CHCHD6: variants seen among roughly 807,000 people sequenced by gnomAD.
CHCHD6 encodes coiled-coil-helix-coiled-coil-helix domain containing 6, also known as MICOS complex subunit MIC25.
In CHCHD6, 28 loss-of-function variants were observed where a neutral mutation model predicts 32.3. The observed-to-expected ratio is 0.87, with a 90% CI of 0.64 to 1.19. The LOEUF is 1.19. Among genes scored for constraint, CHCHD6 ranks in the 50% most tolerant of loss-of-function variants. CHCHD6 has a pLI of 0.00. For synonymous variants in CHCHD6, 122 were observed against 117.5 expected, an observed-to-expected ratio of 1.04 and a Z score of -0.25; for missense variants, 333 against 307.0, an observed-to-expected ratio of 1.08 and a Z score of -0.63.
In CHCHD6 at chr3:126,726,403, C is replaced by T. The variant is rs995621134; in HGVS notation, c.88-675C>T. ...GAGTAACATGAAATGTCACTGATCA[C>T]AGATCACTGTAACAGATATAACAAT... On this transcript the variant is annotated intron_variant, in intron 1 of 7. Coordinates refer to ENST00000290913, the MANE Select transcript of CHCHD6 (RefSeq NM_032343.3). 2.0e-5 allele frequency among the ~76,000 whole-genome samples: 3 copies of T among 152,292 alleles called. 1 individual carries two copies.
intron 6 of CHCHD6, among the ~76,000 whole-genome samples, chr3:126,946,880 C>T (rs2078647037): frequency 6.6e-6 from 1 of 152,202 alleles, no homozygotes; most frequent in Admixed American, 6.5e-5. Context: ...AATTAAGTAT[C>T]AGGAGGACAT....
chr3:126,890,697 A>T (rs1373027238), intron 5 of CHCHD6, among the ~76,000 whole-genome samples: 1 of 152,262 alleles, frequency 6.6e-6, no homozygotes, highest in Admixed American at 6.5e-5. Context: ...TAAGAACCCT[A>T]CTAAAGCAAC....
chr3:126,912,140 C>T (rs747625137), intron 5 of CHCHD6, among the ~76,000 whole-genome samples: 155 of 152,138 alleles, frequency 1.0e-3, no homozygotes, highest in Non-Finnish European at 1.9e-3. Flanking sequence ...AAGTGACTTA[C>T]CCAAAGAACA....
chr3:126,901,847 G>C (rs80256271), intron 5 of CHCHD6, among the ~76,000 whole-genome samples: 15 of 152,332 alleles, frequency 9.8e-5, no homozygotes, highest in African/African-American at 3.6e-4. Flanking sequence ...GGTACCAGTA[G>C]CCACTGTCAC....
chr3:126,856,281 C>T (rs1408677128), intron 5 of CHCHD6, among the ~76,000 whole-genome samples: 1 of 152,214 alleles, frequency 6.6e-6, no homozygotes, highest in Non-Finnish European at 1.5e-5. Context: ...CAAAGGGCCT[C>T]AATGCCCTGT....
intron 5 of CHCHD6, among the ~76,000 whole-genome samples, chr3:126,858,576 A>C (rs1264819319): frequency 2.0e-5 from 3 of 151,932 alleles, no homozygotes; most frequent in Non-Finnish European, 4.4e-5. Flanking sequence ...GGCCTTAAAC[A>C]TCCTCTTCCA....
chr3:126,721,400 G>C (rs547763307), intron 1 of CHCHD6, among the ~76,000 whole-genome samples: 1 of 152,114 alleles, frequency 6.6e-6, no homozygotes, highest in Non-Finnish European at 1.5e-5. Flanking sequence ...CATCGCTGCC[G>C]TCCCGCCCAT....
intron 4 of CHCHD6, among the ~76,000 whole-genome samples, chr3:126,780,791 C>G (rs925491488): frequency 6.6e-6 from 1 of 152,220 alleles, no homozygotes; most frequent in African/African-American, 2.4e-5. Flanking sequence ...ACCCAACTAT[C>G]AGAGGCTTAA....
chr3:126,953,710 C>A (rs747053266), intron 6 of CHCHD6, among the ~76,000 whole-genome samples: 10 of 152,206 alleles, frequency 6.6e-5, no homozygotes, highest in Non-Finnish European at 1.5e-4. Flanking sequence ...ACAGACACCC[C>A]ATACACCAAT....
intron 4 of CHCHD6, among the ~76,000 whole-genome samples, chr3:126,737,515 CT>C: frequency 6.6e-6 from 1 of 151,440 alleles, no homozygotes; most frequent in African/African-American, 2.4e-5. Flanking sequence ...AGCTTCTGAC[CT>C]TGAGAAGATG....
intron 5 of CHCHD6, among the ~76,000 whole-genome samples, chr3:126,865,152 T>A (rs1399752675): frequency 5.5e-4 from 26 of 47,182 alleles, no homozygotes; most frequent in Non-Finnish European, 1.1e-3. Context: ...CACCTCCTTT[T>A]CCACCACCTC....
chr3:126,717,322 A>G (rs548432393), intron 1 of CHCHD6, among the ~76,000 whole-genome samples: 53 of 152,308 alleles, frequency 3.5e-4, no homozygotes, highest in African/African-American at 1.2e-3. Flanking sequence ...ACCTTATATC[A>G]TGACCTTATA....
chr3:126,942,088 C>T (rs2078569215), intron 6 of CHCHD6, among the ~76,000 whole-genome samples: 1 of 151,920 alleles, frequency 6.6e-6, no homozygotes, highest in Admixed American at 6.5e-5. Flanking sequence ...CCTGGCCCAC[C>T]TGGTGTTTCC....
At chr3:126,904,355 G>C (rs1480900943) in intron 5 of CHCHD6, among the ~76,000 whole-genome samples, 1 of 152,144 alleles carries the variant, frequency 6.6e-6, no homozygotes, top group Non-Finnish European at 1.5e-5. Context: ...CCATAGAGGT[G>C]GGTCATTCCC....
chr3:126,771,371 A>AT (rs1559834106), intron 4 of CHCHD6, among the ~76,000 whole-genome samples: 1 of 151,376 alleles, frequency 6.6e-6, no homozygotes. Context: ...CGCCCGGCTA[A>AT]TTTTTTGTAT....
intron 6 of CHCHD6, among the ~76,000 whole-genome samples, chr3:126,942,776 A>G (rs1041085902): frequency 2.0e-5 from 3 of 152,032 alleles, no homozygotes; most frequent in African/African-American, 7.2e-5. Context: ...GCTCCCTGCT[A>G]TGGAGGTGTC....
chr3:126,879,911 A>G (rs1185763925), intron 5 of CHCHD6, among the ~76,000 whole-genome samples: 2 of 152,216 alleles, frequency 1.3e-5, no homozygotes, highest in East Asian at 1.9e-4. Flanking sequence ...TGAAATGTAT[A>G]TGGGCACTTA....
chr3:126,821,659 G>A (rs899311027), intron 4 of CHCHD6, among the ~76,000 whole-genome samples: 4 of 150,718 alleles, frequency 2.7e-5, no homozygotes, highest in Non-Finnish European at 5.9e-5. Context: ...AGTATATGAC[G>A]GTTCCAGTTT....
rs563511402 is a variant in CHCHD6, at chr3:126,730,732, C to G, written c.266+102C>G. ...TTGCCTGAAGCCCTGGAGGCTTTGT[C>G]TCACATAATTAATCTCAGTTGCATT... is the stretch of plus-strand genomic sequence containing the variant. On this transcript the variant is annotated intron_variant, in intron 3 of 7. Coordinates refer to ENST00000290913, the MANE Select transcript of CHCHD6 (RefSeq NM_032343.3). 1.0e-5 allele frequency: 9 copies of G among 903,474 alleles called. No homozygotes were observed. The East Asian group carries it at 2.2e-4, about 22-fold the overall frequency. The allele number at this position is 903,474 out of a possible 1,614,324, so 56.0% of individuals were successfully genotyped here.
Sources: gnomAD v4.1 joint callset for allele counts (sites outside exome capture counted in the v4.1 genomes callset) on GRCh38, gnomAD v4.1.1 for gene constraint, MANE v1.5 for transcripts, NCBI Gene and HGNC (gene_info 2026-07-23, HGNC 2026-07-21) for gene names.